Variants in CARS2 observed in about 807,000 individuals in gnomAD.
CARS2 encodes cysteinyl-tRNA synthetase 2, mitochondrial, also known as probable cysteine--tRNA ligase, mitochondrial.
CARS2 carries 52 observed loss-of-function variants against 68.8 expected under a neutral mutation model. The observed-to-expected ratio is 0.76, with a 90% CI of 0.61 to 0.95. CARS2 has a LOEUF of 0.95. Ranked by LOEUF, CARS2 falls within the 40% of genes least tolerant of loss-of-function variation. The pLI, the probability that CARS2 is intolerant of heterozygous loss-of-function variation, is 0.00. For synonymous variants in CARS2, 314 were observed against 303.6 expected (o/e 1.03, Z -0.36); for missense variants, 780 against 754.2 (o/e 1.03, Z -0.40).
At chr13:110,687,597 T>C (rs1294520874) in intron 5 of CARS2, 124 bp downstream of exon 5, 26 of 621,560 alleles carry the variant, frequency 4.2e-5, no homozygotes, top group Non-Finnish European at 6.2e-5. Flanking sequence ...GAGAATCGCT[T>C]GAACCAGGGA....
intron 9 of CARS2, chr13:110,663,179 A>G: frequency 1.7e-6 from 1 of 574,880 alleles, no homozygotes; most frequent in Non-Finnish European, 3.2e-6. Context: ...GGAAAAGGCA[A>G]GGAAGAGGGC....
intron 1 of CARS2, chr13:110,712,852 G>A (rs1414406539): frequency 4.4e-6 from 5 of 1,139,212 alleles, no homozygotes; most frequent in Admixed American, 2.0e-5. Context: ...TCCCTCTCAG[G>A]CCCCTTTGTC....
chr13:110,703,360 G>A (rs975298551), intron 2 of CARS2, among the ~76,000 whole-genome samples: 3 of 152,184 alleles, frequency 2.0e-5, no homozygotes, highest in Non-Finnish European at 4.4e-5. Flanking sequence ...GGAGAGGGAG[G>A]TGGGGCAGGC....
At chr13:110,683,652 T>C (rs1245543973) in intron 5 of CARS2, among the ~76,000 whole-genome samples, 1 of 152,214 alleles carries the variant, frequency 6.6e-6, no homozygotes, top group African/African-American at 2.4e-5. Flanking sequence ...TACTTTATGT[T>C]ACACACCAGC....
At chr13:110,712,645 G>A in intron 1 of CARS2, 2 of 589,092 alleles carry the variant, frequency 3.4e-6, no homozygotes, top group South Asian at 1.6e-5. Flanking sequence ...GCGACGCGGG[G>A]GAGGGCGGTC....
Position 110,712,300 on chromosome 13 carries a change from G to C in CARS2, n.399+837C>G, listed in dbSNP as rs376438210. The C allele has an allele frequency of 9.3e-4, 143 of 154,216 alleles. 1 individual carries two copies. The South Asian group carries it at 0.026, about 28-fold the overall frequency. The allele number at this position is 154,216 out of a possible 1,614,324, so 9.6% of individuals were successfully genotyped here. A position where few individuals can be genotyped will look rare whatever the true frequency, so the allele number is the denominator to read the frequency against. On this transcript the variant is annotated intron_variant and non_coding_transcript_variant, in intron 1 of 2. Transcript: ENST00000485188. ...CTGACAAGGCACCGTTCTCCGACTTGCTGAAAAAAAGACAATGCAAATAGA... is the reference window on the plus strand; with the variant it reads ...CTGACAAGGCACCGTTCTCCGACTTCCTGAAAAAAAGACAATGCAAATAGA...
chr13:110,642,648 G>C (rs574591117), intron 13 of CARS2, 127 bp from the exon 14 acceptor site: 2 of 937,046 alleles, frequency 2.1e-6, no homozygotes, highest in Non-Finnish European at 3.5e-6. Context: ...CCCTGCAGCT[G>C]GGCCTCTTTC....
intron 14 of CARS2, 77 bp from the exon 15 acceptor site, chr13:110,641,685 G>A (rs1434599624): frequency 1.7e-6 from 2 of 1,192,346 alleles, no homozygotes; most frequent in East Asian, 2.3e-5. Flanking sequence ...GCGTAATCAG[G>A]TTCAGGGTGC....
intron 2 of CARS2, among the ~76,000 whole-genome samples, chr13:110,702,015 C>T (rs1476708022): frequency 6.6e-6 from 1 of 152,220 alleles, no homozygotes; most frequent in Non-Finnish European, 1.5e-5. Context: ...AGAATGCACA[C>T]ACTAGTGTAG....
intron 1 of CARS2, chr13:110,713,111 G>GT (rs2064055762): frequency 1.4e-6 from 2 of 1,436,184 alleles, no homozygotes; most frequent in Non-Finnish European, 1.8e-6. Flanking sequence ...GTTTCTAGTA[G>GT]TAAGAGTCCG....
At chr13:110,710,156 G>A (rs9521910), upstream of CARS2, among the ~76,000 whole-genome samples, 96,032 of 152,054 alleles carry the variant, frequency 0.63, 32,116 homozygotes, top group South Asian at 0.77. Context: ...CAAGACAGGC[G>A]GATCACCTGA....
chr13:110,655,933 G>A (rs911887715), intron 9 of CARS2, among the ~76,000 whole-genome samples: 5 of 152,302 alleles, frequency 3.3e-5, no homozygotes, highest in East Asian at 1.9e-4. Flanking sequence ...GGGTGCAGGC[G>A]GGCTCCAGGC....
chr13:110,692,235 T>C (rs1226922221), intron 3 of CARS2, among the ~76,000 whole-genome samples: 1 of 151,532 alleles, frequency 6.6e-6, no homozygotes, highest in Non-Finnish European at 1.5e-5. Context: ...TTTGGGAGGC[T>C]GAGGTGGGTG....
intron 7 of CARS2, among the ~76,000 whole-genome samples, chr13:110,667,906 C>A: frequency 6.6e-6 from 1 of 152,192 alleles, no homozygotes; most frequent in East Asian, 1.9e-4. Context: ...CAAAGCAACA[C>A]AGGTTGCCAT....
chr13:110,667,400 T>C lies in CARS2; in HGVS notation c.859A>G (p.Ile287Val). ...DLAFPHHENE[I>V]AQCEVFHQCE... ...TGATGAAAGACTTCGCACTGTGCAA[T>C]TTCGTTTTCATGATGTGGAAAAGCT... Residue 287 changes from isoleucine (I) to valine (V), a missense_variant, in exon 8 of 15, where the codon ATT becomes GTT. Physicochemically the swap from Ile to Val is conservative, Grantham distance 29. Coordinates refer to ENST00000257347, the MANE Select transcript of CARS2 (RefSeq NM_024537.4). The C allele has an allele frequency of 6.2e-7, 1 of 1,613,848 alleles. No individual in the cohort carries two copies. Among genetic ancestry groups the C allele is most frequent in the Non-Finnish European group, 8.5e-7 (1 of 1,179,788 alleles).
chr13:110,695,156 C>G (rs2063585236), intron 3 of CARS2, among the ~76,000 whole-genome samples: 2 of 152,222 alleles, frequency 1.3e-5, no homozygotes, highest in South Asian at 4.2e-4. Context: ...GTGACACATG[C>G]CTGTGGTCCC....
chr13:110,678,058 C>T (rs9515266), intron 6 of CARS2: 81,725 of 152,352 alleles, frequency 0.54, 23,467 homozygotes, highest in Non-Finnish European at 0.66. Context: ...ACAGGAGCAC[C>T]GGCAACGCTT....
chr13:110,673,820 A>G (rs894331554), intron 7 of CARS2, among the ~76,000 whole-genome samples: 8 of 152,080 alleles, frequency 5.3e-5, no homozygotes, highest in African/African-American at 1.2e-4. Flanking sequence ...AAACCCCATC[A>G]TCTCAGCCCA....
chr13:110,697,940 G>A (rs1194840038), intron 3 of CARS2: 1 of 455,254 alleles, frequency 2.2e-6, no homozygotes. Flanking sequence ...GTTCCTCAAG[G>A]ACCTCACACC....
Sources: gnomAD v4.1 joint callset for allele counts (sites outside exome capture counted in the v4.1 genomes callset) on GRCh38, gnomAD v4.1.1 for gene constraint, MANE v1.5 for transcripts, NCBI Gene and HGNC (gene_info 2026-07-23, HGNC 2026-07-21) for gene names.